The following GAPVD1 variants were observed in gnomAD, a reference collection of about 807,000 sequenced individuals.
GAPVD1 encodes GTPase activating protein and VPS9 domains 1.
A neutral mutation model predicts 155.5 loss-of-function variants in GAPVD1; 35 were observed. That is an observed-to-expected ratio of 0.23 (90% CI 0.17 to 0.30). The LOEUF is 0.30. Among genes scored for constraint, GAPVD1 ranks in the 10% least tolerant of loss-of-function variants. GAPVD1 has a pLI of 1.00. For missense variants in GAPVD1, 1,429 were observed against 1,775.7 expected, an observed-to-expected ratio of 0.80 and a Z score of 3.51; for synonymous variants, 636 against 619.7, an observed-to-expected ratio of 1.03 and a Z score of -0.39.
intron 23 of GAPVD1, among the ~76,000 whole-genome samples, chr9:125,351,933 A>G (rs1447333889): frequency 6.6e-6 from 1 of 151,942 alleles, no homozygotes; most frequent in African/African-American, 2.4e-5. Flanking sequence ...TAGAGATGGG[A>G]TGTCACCATA....
intron 8 of GAPVD1, 66 bp downstream of exon 8, chr9:125,307,946 C>T (rs1273436071): frequency 8.9e-7 from 1 of 1,128,844 alleles, no homozygotes; most frequent in East Asian, 2.4e-5. Context: ...TTTGTTATTG[C>T]TGAGTGTTTT....
intron 13 of GAPVD1, 111 bp from the exon 14 acceptor site, chr9:125,331,815 G>T (rs1846127021): frequency 1.1e-6 from 1 of 894,680 alleles, no homozygotes; most frequent in Admixed American, 2.0e-5. Flanking sequence ...ACATGTATTT[G>T]CACTGATTTT....
chr9:125,359,097 C>A (rs1002811808), intron 25 of GAPVD1, among the ~76,000 whole-genome samples: 1 of 152,070 alleles, frequency 6.6e-6, no homozygotes, highest in Non-Finnish European at 1.5e-5. Context: ...TTTTTCCCCC[C>A]CTCTCCTTTT....
At chr9:125,266,227 A>G (rs957692911) in intron 1 of GAPVD1, among the ~76,000 whole-genome samples, 1 of 149,706 alleles carries the variant, frequency 6.7e-6, no homozygotes, top group Admixed American at 6.7e-5. Context: ...CCCGGGTTCC[A>G]GCATTTCTCC....
chr9:125,338,920 TA>T (rs1177368152), intron 17 of GAPVD1, among the ~76,000 whole-genome samples: 2 of 149,842 alleles, frequency 1.3e-5, no homozygotes, highest in African/African-American at 4.9e-5. Flanking sequence ...TTCTGTCTTT[TA>T]AAAAAATTTG....
chr9:125,321,317 T>C (rs776938993), intron 9 of GAPVD1, 116 bp from the exon 10 acceptor site: 7 of 674,182 alleles, frequency 1.0e-5, no homozygotes, highest in Non-Finnish European at 1.3e-5. Flanking sequence ...CTAAATAGGT[T>C]TGTAGTTAAA....
chr9:125,304,956 T>TG, intron 5 of GAPVD1, 107 bp from the exon 6 acceptor site: 1 of 710,150 alleles, frequency 1.4e-6, no homozygotes, highest in South Asian at 1.8e-5. Context: ...TGAATAGTAT[T>TG]ATGAAACAGA....
chr9:125,264,933 G>A (rs1833600646), intron 1 of GAPVD1, among the ~76,000 whole-genome samples: 1 of 152,068 alleles, frequency 6.6e-6, no homozygotes, highest in South Asian at 2.1e-4. Flanking sequence ...GGTCAGGCTG[G>A]CCTCGAACCT....
chr9:125,327,479 T>C (rs10124754), intron 12 of GAPVD1, among the ~76,000 whole-genome samples: 74,406 of 151,868 alleles, frequency 0.49, 18,415 homozygotes, highest in Middle Eastern at 0.58. Flanking sequence ...GTAGTGAGCA[T>C]AGTAACCAAT....
intron 10 of GAPVD1, among the ~76,000 whole-genome samples, chr9:125,322,129 A>G (rs1844412771): frequency 6.6e-6 from 1 of 152,086 alleles, no homozygotes; most frequent in Non-Finnish European, 1.5e-5. Flanking sequence ...CAGTGTCGCA[A>G]TCTCGGCTCA....
intron 3 of GAPVD1, among the ~76,000 whole-genome samples, chr9:125,298,038 G>T (rs1476685623): frequency 1.3e-5 from 2 of 152,080 alleles, no homozygotes; most frequent in Non-Finnish European, 2.9e-5. Context: ...GAGCCACCGC[G>T]CCCGGCTGTG....
intron 9 of GAPVD1, among the ~76,000 whole-genome samples, chr9:125,317,317 C>CA (rs942834340): frequency 0.011 from 1,333 of 115,956 alleles, 16 homozygotes; most frequent in African/African-American, 0.031. Context: ...GACTCTGTCT[C>CA]AAAAAAAAAA....
chr9:125,316,038 A>G (rs1329158091), intron 9 of GAPVD1, among the ~76,000 whole-genome samples: 1 of 152,182 alleles, frequency 6.6e-6, no homozygotes, highest in Non-Finnish European at 1.5e-5. Flanking sequence ...TCACGTGCTC[A>G]CCACTAAGCT....
At chr9:125,294,240 A>T (rs1839459310) in intron 2 of GAPVD1, among the ~76,000 whole-genome samples, 1 of 150,836 alleles carries the variant, frequency 6.6e-6, no homozygotes, top group Admixed American at 6.6e-5. Context: ...AGGGTTTCAC[A>T]GTGTTGGTCA....
chr9:125,306,414 TC>T (rs1264492607), intron 6 of GAPVD1, among the ~76,000 whole-genome samples: 1 of 152,244 alleles, frequency 6.6e-6, no homozygotes, highest in Non-Finnish European at 1.5e-5. Flanking sequence ...ACTATATACT[TC>T]CAACCATCCC....
chr9:125,291,529 G>A (rs1838610059), intron 2 of GAPVD1, among the ~76,000 whole-genome samples: 1 of 152,124 alleles, frequency 6.6e-6, no homozygotes, highest in Non-Finnish European at 1.5e-5. Context: ...TAAGATCAAT[G>A]GCTTGAAAGT....
intron 3 of GAPVD1, among the ~76,000 whole-genome samples, chr9:125,298,026 G>A (rs1347921394): frequency 4.6e-5 from 7 of 152,132 alleles, no homozygotes; most frequent in East Asian, 1.9e-4. Flanking sequence ...GATTACATGC[G>A]TGAGCCACCG....
intron 2 of GAPVD1, among the ~76,000 whole-genome samples, chr9:125,274,393 A>G (rs1212739700): frequency 6.6e-6 from 1 of 151,750 alleles, no homozygotes; most frequent in East Asian, 1.9e-4. Context: ...ATATGCATGC[A>G]CTTACCATTT....
intron 15 of GAPVD1, among the ~76,000 whole-genome samples, chr9:125,333,615 A>G (rs536078388): frequency 4.0e-5 from 6 of 151,380 alleles, no homozygotes; most frequent in African/African-American, 1.5e-4. Flanking sequence ...CAGCCTCCCA[A>G]GTAGCTGGGA....
Sources: gnomAD v4.1 joint callset for allele counts (sites outside exome capture counted in the v4.1 genomes callset) on GRCh38, gnomAD v4.1.1 for gene constraint, MANE v1.5 for transcripts, NCBI Gene and HGNC (gene_info 2026-07-23, HGNC 2026-07-21) for gene names.